Variants in DDX43 observed in about 807,000 individuals in gnomAD.
DDX43 encodes DEAD-box helicase 43.
DDX43 carries 50 observed loss-of-function variants against 84.9 expected under a neutral mutation model. The ratio of observed to expected loss-of-function variants is 0.59; its 90% CI spans 0.47 to 0.75. DDX43 has a LOEUF of 0.75. Ranked by LOEUF, DDX43 falls within the 30% of genes least tolerant of loss-of-function variation. The probability of loss-of-function intolerance (pLI) is 0.00; values close to 1 mark genes in which losing one functional copy is unlikely to be tolerated. For synonymous variants in DDX43, 291 were observed against 266.3 expected (o/e 1.09, Z -0.90); for missense variants, 689 against 798.6 (o/e 0.86, Z 1.65).
At chr6:73,397,626 G>A in intron 1 of DDX43, 63 bp from the exon 2 acceptor site, 1 of 1,299,350 alleles carries the variant, frequency 7.7e-7, no homozygotes, top group Non-Finnish European at 1.1e-6. Flanking sequence ...TGAGGAAAAT[G>A]GGTAAATTTT....
intron 11 of DDX43, among the ~76,000 whole-genome samples, chr6:73,413,106 C>T (rs1019932960): frequency 4.6e-5 from 7 of 152,126 alleles, no homozygotes; most frequent in African/African-American, 1.2e-4. Flanking sequence ...TACATATATA[C>T]ATAAATATAA....
In DDX43 at chr6:73,402,001, C is replaced by G; in HGVS notation, c.568+11C>G. 1 of 1,613,050 alleles carries G rather than the reference C, an allele frequency of 6.2e-7. No individual in the cohort carries two copies. The highest frequency in any genetic ancestry group is 2.2e-5 in the East Asian group (1 of 44,816). Reference sequence around the variant, plus strand: ...AAACAAAGTGGGCAGGTCAGTGCTGCTTCCTAATATTTACATATATTGTTT... The same window carrying G: ...AAACAAAGTGGGCAGGTCAGTGCTGGTTCCTAATATTTACATATATTGTTT... On this transcript the variant is annotated intron_variant, in intron 4 of 16. Coordinates refer to ENST00000370336, the MANE Select transcript of DDX43 (RefSeq NM_018665.3).
chr6:73,395,633 AAG>A (rs1446376686), intron 1 of DDX43, among the ~76,000 whole-genome samples: 21 of 151,774 alleles, frequency 1.4e-4, no homozygotes, highest in Non-Finnish European at 2.9e-4. Flanking sequence ...AAAAAAAAAA[AAG>A]TAATTTAATC....
intron 4 of DDX43, among the ~76,000 whole-genome samples, chr6:73,403,073 A>G (rs1049725998): frequency 1.3e-4 from 20 of 152,270 alleles, no homozygotes; most frequent in Non-Finnish European, 1.6e-4. Context: ...GACCTCTGCA[A>G]GTTAAGTTTC....
chr6:73,414,704 AC>A lies in DDX43; in HGVS notation c.1745+21del. The stretch of plus-strand genomic sequence containing the variant: ...AGAGCAGGGTAAGTAAGCTTAGTCC[AC>A]CCATGAAAGGCCAATTCTAGATTCT... On this transcript the variant is annotated intron_variant, in intron 14 of 16. Transcript: ENST00000370336. The A allele has an allele frequency of 6.3e-7, 1 of 1,594,858 alleles. No homozygotes were observed.
intron 2 of DDX43, among the ~76,000 whole-genome samples, chr6:73,399,309 T>A (rs1271912922): frequency 1.3e-5 from 2 of 152,194 alleles, no homozygotes; most frequent in African/African-American, 4.8e-5. Context: ...CCTTTCATAG[T>A]ATCTCAGGCC....
At chr6:73,409,618 G>A (rs745534331) in intron 10 of DDX43, among the ~76,000 whole-genome samples, 46 of 152,184 alleles carry the variant, frequency 3.0e-4, no homozygotes, top group Non-Finnish European at 6.0e-4. Flanking sequence ...CTTGTCTAAG[G>A]AGATAAGCAT....
chr6:73,413,952 G>A lies in DDX43; in HGVS notation c.1497-18G>A. The stretch of plus-strand genomic sequence containing the variant: ...TAGAATAAGCACCTAAGAATGCTGA[G>A]TTTATCTTTTGCTTCAGTGCGGATC... On this transcript the variant is annotated intron_variant, in intron 12 of 16. Coordinates refer to ENST00000370336, the MANE Select transcript of DDX43 (RefSeq NM_018665.3). 2 of 1,581,462 alleles carry A rather than the reference G, an allele frequency of 1.3e-6. No homozygotes were observed. Among genetic ancestry groups the A allele is most frequent in the Non-Finnish European group, 1.7e-6 (2 of 1,152,558 alleles).
In DDX43 at chr6:73,400,255, T is replaced by G; in HGVS notation, c.328T>G (p.Ser110Ala). Residue 110 changes from serine to alanine, a missense_variant, in exon 3 of 17, where the codon TCA (serine) becomes GCA (alanine). This residue lies in a region of DDX43 where 552 missense variants were observed against 692.7 expected (regional missense o/e 0.80). Coordinates refer to ENST00000370336, the MANE Select transcript of DDX43 (RefSeq NM_018665.3). ...TIQIIQEQPESLVKIFGSKAM... is the reference protein window; with the variant it reads ...TIQIIQEQPEALVKIFGSKAM... ...CTAGATAATACAAGAACAACCAGAA[T>G]CATTAGTCAAAATTTTTGGCAGCAA... The G allele has an allele frequency of 6.2e-7, 1 of 1,605,594 alleles. No individual in the cohort carries two copies. Among genetic ancestry groups the G allele is most frequent in the Non-Finnish European group, 8.5e-7 (1 of 1,177,118 alleles).
rs770721991 is a variant in DDX43 at position 73,409,368 on chromosome 6, C to T, written c.1280+20C>T. 2.6e-6 allele frequency: 4 copies of T among 1,532,062 alleles called. 1 individual carries two copies. In the South Asian group the frequency reaches 4.5e-5, roughly 17 times the overall value. 94.9% of individuals were successfully genotyped at this position (1,532,062 alleles called of 1,614,324 possible). On this transcript the variant is annotated intron_variant, in intron 10 of 16. Coordinates refer to ENST00000370336, the MANE Select transcript of DDX43 (RefSeq NM_018665.3). ...GACCAGGTACGTATATGCTTAATTA[C>T]TGTGTGCAGAATAGAAATCAGTGGA...
chr6:73,397,025 G>A (rs1769486429), intron 1 of DDX43, among the ~76,000 whole-genome samples: 1 of 152,168 alleles, frequency 6.6e-6, no homozygotes, highest in South Asian at 2.1e-4. Flanking sequence ...GAAAATGGAA[G>A]TGCAATATAT....
intron 1 of DDX43, among the ~76,000 whole-genome samples, chr6:73,395,842 T>C (rs1769460808): frequency 1.3e-5 from 2 of 152,158 alleles, no homozygotes. Context: ...ATAAGGTCAT[T>C]GTAGGGCTGC....
intron 3 of DDX43, 152 bp from the exon 4 acceptor site, chr6:73,401,707 C>G: frequency 1.6e-6 from 1 of 641,672 alleles, no homozygotes; most frequent in Admixed American, 3.7e-5. Context: ...GAGGCTGAGG[C>G]AAGAGAATGG....
At chr6:73,402,299 A>G (rs769757607) in intron 4 of DDX43, among the ~76,000 whole-genome samples, 1 of 152,188 alleles carries the variant, frequency 6.6e-6, no homozygotes, top group African/African-American at 2.4e-5. Context: ...ATAAGTTAAC[A>G]TTGTTGCTGT....
intron 10 of DDX43, among the ~76,000 whole-genome samples, chr6:73,410,598 T>A (rs1159145722): frequency 6.6e-6 from 1 of 152,238 alleles, no homozygotes; most frequent in Non-Finnish European, 1.5e-5. Flanking sequence ...AGGTTTGTTT[T>A]GTTTTGCGTT....
At chr6:73,413,885 G>T (rs983429986) in intron 12 of DDX43, 85 bp from the exon 13 acceptor site, 63 of 1,523,798 alleles carry the variant, frequency 4.1e-5, no homozygotes, top group Non-Finnish European at 5.2e-5. Context: ...AGTCTGTTAT[G>T]TTACTTTAGA....
intron 16 of DDX43, 93 bp downstream of exon 16, chr6:73,416,344 G>T: frequency 1.7e-6 from 1 of 604,568 alleles, no homozygotes; most frequent in Non-Finnish European, 3.0e-6. Context: ...TGATCTCTAA[G>T]TCATTAACAT....
In DDX43 at chr6:73,415,474, A is replaced by C. The variant is rs111578486; in HGVS notation, c.1746-23A>C. ...GTATTAACTGAATAATGAATACATG[A>C]GTTTTTTTCCCCCACACTAAAGGAG... On this transcript the variant is annotated intron_variant, in intron 14 of 16. Coordinates refer to ENST00000370336, the MANE Select transcript of DDX43 (RefSeq NM_018665.3). The C allele has an allele frequency of 9.7e-6, 15 of 1,540,216 alleles. No homozygotes were observed. The African/African-American group carries it at 1.1e-4, about 11-fold the overall frequency.
chr6:73,398,273 A>G (rs2150788245), intron 2 of DDX43, among the ~76,000 whole-genome samples: 1 of 151,798 alleles, frequency 6.6e-6, no homozygotes, highest in East Asian at 1.9e-4. Context: ...TTTTTTTGAG[A>G]CAGAGTCTCA....
Sources: gnomAD v4.1 joint callset for allele counts (sites outside exome capture counted in the v4.1 genomes callset) on GRCh38, gnomAD v4.1.1 for gene constraint, gnomAD v4.1.1 regional missense constraint, MANE v1.5 for transcripts, NCBI Gene and HGNC (gene_info 2026-07-23, HGNC 2026-07-21) for gene names.